The following ALPK3 variants were observed in gnomAD, a reference collection of about 807,000 sequenced individuals.
ALPK3 encodes the protein alpha kinase 3.
A neutral mutation model predicts 140.0 loss-of-function variants in ALPK3; 102 were observed. That is an observed-to-expected ratio of 0.73 (90% CI 0.62 to 0.86). The LOEUF is 0.86. Ranked by LOEUF, ALPK3 falls within the 40% of genes least tolerant of loss-of-function variation. The probability of loss-of-function intolerance (pLI) is 0.00; values close to 1 mark genes in which losing one functional copy is unlikely to be tolerated. For synonymous variants in ALPK3, 938 were observed against 898.5 expected, an observed-to-expected ratio of 1.04 and a Z score of -0.79; for missense variants, 2,254 against 2,208.2, an observed-to-expected ratio of 1.02 and a Z score of -0.42.
intron 5 of ALPK3, among the ~76,000 whole-genome samples, chr15:84,854,498 A>G (rs2437950): frequency 1 from 152,265 of 152,278 alleles, 76,126 homozygotes; most frequent in Non-Finnish European, 1. Flanking sequence ...TGTTAGCCAG[A>G]GTGGTCTCAA....
At chr15:84,817,921 A>G (rs1963379972) in intron 1 of ALPK3, among the ~76,000 whole-genome samples, 1 of 152,044 alleles carries the variant, frequency 6.6e-6, no homozygotes, top group Non-Finnish European at 1.5e-5. Context: ...TTGGGATTCC[A>G]CAGCTAGCGA....
At chr15:84,845,233 C>G (rs1963715246) in intron 5 of ALPK3, among the ~76,000 whole-genome samples, 1 of 151,946 alleles carries the variant, frequency 6.6e-6, no homozygotes, top group Non-Finnish European at 1.5e-5. Flanking sequence ...CAGAAGCCCT[C>G]TAGATCAGCC....
In ALPK3 at chr15:84,830,384, C is replaced by T. The variant is rs576744032; in HGVS notation, c.304+2779C>T. On this transcript the variant is annotated intron_variant, in intron 3 of 13. Transcript: ENST00000258888. ...CTTCCTTTCTTGGTTTATTTTTTTG[C>T]GTTATTGAATACTGCCCCAGTGGTT... Among the ~76,000 whole-genome samples the T allele has an allele frequency of 3.9e-5, 6 of 152,154 alleles. No homozygotes were observed. In the South Asian group the frequency reaches 8.3e-4, roughly 21 times the overall value.
chr15:84,852,625 A>G (rs532887968), intron 5 of ALPK3: 3 of 246,578 alleles, frequency 1.2e-5, no homozygotes, highest in Non-Finnish European at 2.4e-5. Flanking sequence ...TATAAAATTT[A>G]TCAATTGTTT....
rs773791354 is a variant in ALPK3, at chr15:84,856,781, G to A, written c.2043G>A (p.Gln681=). The change falls in exon 6 of 14, where the codon CAG becomes CAA. Residue 681 remains glutamine, a synonymous_variant. Coordinates refer to ENST00000258888, the MANE Select transcript of ALPK3 (RefSeq NM_020778.5). ...LETTQAGEKI[Q]EDRKAQADKG... is the part of the protein sequence containing the mutation. ...CAACACAGGCAGGTGAGAAGATACA[G>A]GAAGACAGGAAGGCCCAGGCAGATA... 1 of 1,614,048 alleles carries A rather than the reference G, an allele frequency of 6.2e-7. No homozygotes were observed. The highest frequency in any genetic ancestry group is 8.5e-7 in the Non-Finnish European group (1 of 1,180,028).
Position 84,864,497 on chromosome 15 carries a change from C to A in ALPK3, c.4555C>A (p.Leu1519Met). 1 of 1,614,188 alleles carries A rather than the reference C, an allele frequency of 6.2e-7. No homozygotes were observed. The highest frequency in any genetic ancestry group is 8.5e-7 in the Non-Finnish European group (1 of 1,180,032). ...TGCAAACAATATCCCATATGCTACC[C>A]TGGAGGAAGACCTGGGCAAGCCCCT... ...RPANNIPYAT[L>M]EEDLGKPLES... The change falls in exon 12 of 14, where the codon CTG becomes ATG. Residue 1519 changes from leucine to methionine, a missense_variant. Physicochemically the swap from Leu to Met is conservative, Grantham distance 15 (BLOSUM62 2). Coordinates refer to ENST00000258888, the MANE Select transcript of ALPK3 (RefSeq NM_020778.5).
At chr15:84,829,712 A>C (rs1288984615) in intron 3 of ALPK3, among the ~76,000 whole-genome samples, 1 of 152,182 alleles carries the variant, frequency 6.6e-6, no homozygotes, top group Non-Finnish European at 1.5e-5. Context: ...TGCATCTTAA[A>C]TCTCCACCCA....
chr15:84,851,254 T>C (rs1431531098), intron 5 of ALPK3, among the ~76,000 whole-genome samples: 1 of 152,046 alleles, frequency 6.6e-6, no homozygotes, highest in Non-Finnish European at 1.5e-5. Flanking sequence ...TAGGTGAGAA[T>C]GTCTGGTACA....
chr15:84,855,960 T>A (rs1167501750), intron 5 of ALPK3, among the ~76,000 whole-genome samples: 1 of 152,168 alleles, frequency 6.6e-6, no homozygotes, highest in African/African-American at 2.4e-5. Flanking sequence ...CCTTTGGCAC[T>A]CTCTCACTTC....
Position 84,858,279 on chromosome 15 carries a change from A to G in ALPK3, c.3541A>G (p.Thr1181Ala). 6.3e-7 allele frequency: 1 copy of G among 1,588,284 alleles called. No homozygotes were observed. The highest frequency in any genetic ancestry group is 8.6e-7 in the Non-Finnish European group (1 of 1,167,340). ...CAGAGCAGCAGGAGACGGGGAGGCA[A>G]CCACACCTGAAGAAAGGGAGAGCCC... ...KVRAAGDGEA[T>A]TPEERESPTV... Residue 1181 changes from threonine to alanine, a missense_variant, in exon 6 of 14, where the codon ACC (threonine) becomes GCC (alanine). By Grantham distance (58) the Thr-to-Ala change is moderately conservative (BLOSUM62 0). Transcript: ENST00000258888.
intron 5 of ALPK3, among the ~76,000 whole-genome samples, chr15:84,848,027 A>G (rs1405809289): frequency 1.3e-5 from 2 of 150,778 alleles, no homozygotes; most frequent in African/African-American, 4.9e-5. Flanking sequence ...GCACCACTGT[A>G]CTCCAGCCTG....
At chr15:84,833,346 T>C (rs1009359072) in intron 3 of ALPK3, among the ~76,000 whole-genome samples, 1 of 152,154 alleles carries the variant, frequency 6.6e-6, no homozygotes, top group African/African-American at 2.4e-5. Flanking sequence ...ATGATCACCA[T>C]AGTACACCTC....
intron 5 of ALPK3, among the ~76,000 whole-genome samples, chr15:84,846,250 A>T (rs76213193): frequency 0.076 from 11,581 of 152,300 alleles, 515 homozygotes; most frequent in Non-Finnish European, 0.095. Context: ...CAAGAATCAG[A>T]GTCTTGTAAT....
chr15:84,821,450 C>T lies in ALPK3; in HGVS notation c.144-1880C>T, dbSNP rs981158100. On this transcript the variant is annotated intron_variant, in intron 1 of 13. Coordinates refer to ENST00000258888, the MANE Select transcript of ALPK3 (RefSeq NM_020778.5). The stretch of plus-strand genomic sequence containing the variant: ...CCAGACCCAAAGAAGAAGAAATCTC[C>T]CAATCCTGAAAGAGAGGGACAAATG... Among the ~76,000 whole-genome samples the T allele has an allele frequency of 2.6e-5, 4 of 152,192 alleles. No individual in the cohort carries two copies. The East Asian group carries it at 7.7e-4, about 29-fold the overall frequency.
chr15:84,817,691 C>A, intron 1 of ALPK3, 96 bp downstream of exon 1: 1 of 1,325,456 alleles, frequency 7.5e-7, no homozygotes, highest in South Asian at 1.8e-5. Context: ...CTGGGCTGGG[C>A]CTGCGCCCTC....
At position 84,858,498 on chromosome 15, in the gene ALPK3, G is replaced by A. The variant is rs1166623972; in HGVS notation, c.3760G>A (p.Asp1254Asn). 1.3e-6 allele frequency: 2 copies of A among 1,583,698 alleles called. No individual in the cohort carries two copies. Among genetic ancestry groups the A allele is most frequent in the Non-Finnish European group, 1.7e-6 (2 of 1,171,238 alleles). Residue 1254 changes from aspartate (D) to asparagine (N), a missense_variant, in exon 6 of 14, where the codon GAT (aspartate) becomes AAT (asparagine). Physicochemically the swap from Asp to Asn is conservative, Grantham distance 23. This residue lies in a region of ALPK3 where 2,088 missense variants were observed against 2,022.9 expected (regional missense o/e 1.03). Coordinates refer to ENST00000258888, the MANE Select transcript of ALPK3 (RefSeq NM_020778.5). Reference sequence around the variant, plus strand: ...CGGTCTGGACACAGAGGTGGCCCTGGATGAAGGCAAGCAGGAGACACTGGC... The same window carrying A: ...CGGTCTGGACACAGAGGTGGCCCTGAATGAAGGCAAGCAGGAGACACTGGC... ...AGGLDTEVAL[D>N]EGKQETLAKP... is the part of the protein sequence containing the mutation.
intron 1 of ALPK3, among the ~76,000 whole-genome samples, chr15:84,822,028 C>T (rs1164080959): frequency 6.6e-6 from 1 of 151,898 alleles, no homozygotes; most frequent in African/African-American, 2.4e-5. Context: ...CAGGGAGGGC[C>T]CTACCAACCC....
At position 84,857,022 on chromosome 15, in the gene ALPK3, G is replaced by A. The variant is rs768739479; in HGVS notation, c.2284G>A (p.Gly762Arg). 6.8e-6 allele frequency: 11 copies of A among 1,614,020 alleles called. No homozygotes were observed. The East Asian group carries it at 2.2e-4, about 33-fold the overall frequency. Residue 762 changes from glycine (G) to arginine (R), a missense_variant, in exon 6 of 14, where the codon GGG becomes AGG. Transcript: ENST00000258888. ...NIECFVQTPE[G>R]SCFPKKPGCL... The stretch of plus-strand genomic sequence containing the variant: ...TGAATGTTTTGTACAGACCCCAGAA[G>A]GGTCTTGTTTCCCAAAAAAACCTGG...
chr15:84,858,335 C>A lies in ALPK3; in HGVS notation c.3597C>A (p.Ser1199Arg). The change falls in exon 6 of 14, where the codon AGC becomes AGA. Residue 1199 changes from serine (S) to arginine (R), a missense_variant. By Grantham distance (110) the Ser-to-Arg change is moderately radical (BLOSUM62 -1). This residue lies in a region of ALPK3 where 2,088 missense variants were observed against 2,022.9 expected (regional missense o/e 1.03). Transcript: ENST00000258888. The part of the protein sequence containing the change: ...PTVSPRGPRK[S>R]LVPGSPGTPG... ...TTTCCCCCCGGGGGCCCAGGAAAAG[C>A]CTGGTGCCTGGGTCCCCAGGGACTC... 1.3e-6 allele frequency: 2 copies of A among 1,558,310 alleles called. No homozygotes were observed. The highest frequency in any genetic ancestry group is 2.7e-5 in the African/African-American group (2 of 73,554).
Sources: allele counts gnomAD v4.1 joint callset (sites outside exome capture counted in the v4.1 genomes callset), GRCh38; gene constraint gnomAD v4.1.1; regional missense constraint gnomAD v4.1.1; transcripts MANE v1.5; gene names NCBI Gene and HGNC (gene_info 2026-07-23, HGNC 2026-07-21).